CLASP2: variants seen among roughly 807,000 people sequenced by gnomAD.
CLASP2 encodes CLIP-associating protein 2.
CLASP2 carries 47 observed loss-of-function variants against 194.4 expected under a neutral mutation model. The observed-to-expected ratio is 0.24, with a 90% CI of 0.19 to 0.31. The LOEUF is 0.31. Ranked by LOEUF, CLASP2 falls within the 10% of genes least tolerant of loss-of-function variation. The probability of loss-of-function intolerance (pLI) is 1.00; values close to 1 mark genes in which losing one functional copy is unlikely to be tolerated. For synonymous variants in CLASP2, 619 were observed against 633.5 expected, an observed-to-expected ratio of 0.98 and a Z score of 0.34; for missense variants, 1,445 against 1,823.6, an observed-to-expected ratio of 0.79 and a Z score of 3.78.
chr3:33,589,048 C>A (rs2068052844), intron 21 of CLASP2, among the ~76,000 whole-genome samples: 1 of 151,994 alleles, frequency 6.6e-6, no homozygotes, highest in Non-Finnish European at 1.5e-5. Flanking sequence ...AAATCAAAAT[C>A]ATTAAATGTT....
intron 6 of CLASP2, among the ~76,000 whole-genome samples, chr3:33,676,163 T>C (rs1345532440): frequency 1.3e-5 from 2 of 151,732 alleles, no homozygotes; most frequent in Admixed American, 6.6e-5. Flanking sequence ...GGAGGCATCA[T>C]GCTACCTGAC....
intron 1 of CLASP2, among the ~76,000 whole-genome samples, chr3:33,703,878 C>T (rs1037224063): frequency 6.6e-6 from 1 of 152,208 alleles, no homozygotes; most frequent in Non-Finnish European, 1.5e-5. Flanking sequence ...ATATGTAGTA[C>T]ATTCAGACAA....
At chr3:33,605,247 T>G (rs548721818) in intron 16 of CLASP2, among the ~76,000 whole-genome samples, 34 of 152,254 alleles carry the variant, frequency 2.2e-4, no homozygotes, top group East Asian at 1.5e-3. Context: ...AAAAAGATCT[T>G]CAGGTGATTT....
intron 34 of CLASP2, among the ~76,000 whole-genome samples, chr3:33,521,095 T>A (rs1365537663): frequency 2.0e-5 from 3 of 152,176 alleles, no homozygotes; most frequent in Admixed American, 1.3e-4. Context: ...AATGGAATCC[T>A]GTTGGTCAAA....
rs758276495 is a variant in CLASP2 at position 33,592,411 on chromosome 3, C to A, written c.2052G>T (p.Met684Ile). The A allele has an allele frequency of 6.2e-7, 1 of 1,612,660 alleles. No individual in the cohort carries two copies. The highest frequency in any genetic ancestry group is 8.5e-7 in the Non-Finnish European group (1 of 1,179,110). Residue 684 changes from methionine to isoleucine, a missense_variant, in exon 21 of 39, where the codon ATG becomes ATT. Transcript: ENST00000682230. ...AATACATACGCTGTGATTGAGACAC[C>A]ATTTTTGTTCGACTTCTTCCTCTAG... is the stretch of plus-strand genomic sequence containing the variant. ...ADSRGRSRTKMVSQSQPGSRS... is the reference protein window; with the variant it reads ...ADSRGRSRTKIVSQSQPGSRS...
intron 5 of CLASP2, among the ~76,000 whole-genome samples, chr3:33,685,342 CAAAAAAAA>C (rs56240569): frequency 2.1e-4 from 10 of 48,142 alleles, no homozygotes; most frequent in Non-Finnish European, 2.7e-4. Context: ...AACTCCGTCT[CAAAAAAAA>C]AAAAAAAAAA....
chr3:33,659,274 T>C (rs2084876883), intron 7 of CLASP2: 3 of 1,216,642 alleles, frequency 2.5e-6, no homozygotes, highest in Non-Finnish European at 1.0e-6. Flanking sequence ...ATACAGGTTA[T>C]GATGTTTCTC....
chr3:33,506,962 G>A, intron 37 of CLASP2, among the ~76,000 whole-genome samples: 1 of 148,578 alleles, frequency 6.7e-6, no homozygotes, highest in Non-Finnish European at 1.5e-5. Context: ...TTTTGAGAAG[G>A]AGTTTCGCTC....
intron 34 of CLASP2, among the ~76,000 whole-genome samples, chr3:33,520,662 T>C (rs2052755867): frequency 6.6e-6 from 1 of 152,140 alleles, no homozygotes; most frequent in Non-Finnish European, 1.5e-5. Context: ...TACAGAGGAC[T>C]GATCAAATTG....
At chr3:33,598,381 T>C (rs116525580) in intron 18 of CLASP2, among the ~76,000 whole-genome samples, 103 of 152,272 alleles carry the variant, frequency 6.8e-4, no homozygotes, top group Non-Finnish European at 1.3e-3. Context: ...ATCTGATATC[T>C]ACTACCTCTT....
intron 19 of CLASP2, 79 bp downstream of exon 19, chr3:33,596,632 G>T: frequency 1.1e-6 from 1 of 945,738 alleles, no homozygotes; most frequent in Non-Finnish European, 1.6e-6. Flanking sequence ...TAGAAATTAA[G>T]AGAAGAATGA....
At chr3:33,576,417 G>T (rs1444044478) in intron 23 of CLASP2, 142 bp from the exon 24 acceptor site, 2 of 577,494 alleles carry the variant, frequency 3.5e-6, no homozygotes, top group Non-Finnish European at 6.1e-6. Flanking sequence ...GTATTTTCTG[G>T]GCACATTTAG....
intron 18 of CLASP2, 25 bp downstream of exon 18, chr3:33,602,927 A>G: frequency 6.3e-7 from 1 of 1,594,946 alleles, no homozygotes; most frequent in Non-Finnish European, 8.6e-7. Context: ...AACATGGTAC[A>G]ATTTTCCATA....
chr3:33,567,787 T>C (rs989924497), intron 26 of CLASP2, among the ~76,000 whole-genome samples: 1 of 152,156 alleles, frequency 6.6e-6, no homozygotes, highest in African/African-American at 2.4e-5. Context: ...TCCATACCTG[T>C]TATTTTAAAT....
chr3:33,600,215 CT>C (rs2071678299), intron 18 of CLASP2, among the ~76,000 whole-genome samples: 1 of 151,962 alleles, frequency 6.6e-6, no homozygotes, highest in African/African-American at 2.4e-5. Context: ...CTTAATTGCC[CT>C]GTCTAGCACC....
At chr3:33,573,471 C>T (rs763376129) in intron 24 of CLASP2, 117 bp from the exon 25 acceptor site, 1 of 1,013,576 alleles carries the variant, frequency 9.9e-7, no homozygotes, top group Non-Finnish European at 1.5e-6. Context: ...AAGCATGCTC[C>T]TAATCATTGT....
intron 34 of CLASP2, among the ~76,000 whole-genome samples, chr3:33,521,420 T>C (rs1211014719): frequency 6.6e-6 from 1 of 152,176 alleles, no homozygotes; most frequent in Non-Finnish European, 1.5e-5. Flanking sequence ...AGTGAAACCA[T>C]GTGTTACTAG....
intron 8 of CLASP2, among the ~76,000 whole-genome samples, chr3:33,639,091 G>A (rs532624552): frequency 2.1e-4 from 32 of 152,140 alleles, no homozygotes; most frequent in African/African-American, 7.5e-4. Flanking sequence ...ACAAGGTCTC[G>A]CTGTCACATG....
chr3:33,559,622 C>T (rs539272719), intron 28 of CLASP2, among the ~76,000 whole-genome samples: 3 of 152,148 alleles, frequency 2.0e-5, no homozygotes, highest in Non-Finnish European at 2.9e-5. Context: ...AGGCCGGGAG[C>T]GGTGGCTCAC....
Sources: gnomAD v4.1 joint callset for allele counts (sites outside exome capture counted in the v4.1 genomes callset) on GRCh38, gnomAD v4.1.1 for gene constraint, MANE v1.5 for transcripts, NCBI Gene and HGNC (gene_info 2026-07-23, HGNC 2026-07-21) for gene names.